Variants in FAM117A observed in about 807,000 individuals in gnomAD.
FAM117A encodes the protein family with sequence similarity 117 member A, also known as protein FAM117A.
In FAM117A, 21 loss-of-function variants were observed where a neutral mutation model predicts 44.1. The observed-to-expected ratio is 0.48, with a 90% CI of 0.34 to 0.69. The LOEUF (loss-of-function observed/expected upper bound fraction) is 0.69. FAM117A is among the 30% of genes least tolerant of loss of function. The pLI, the probability that FAM117A is intolerant of heterozygous loss-of-function variation, is 0.01. For synonymous variants in FAM117A, 220 were observed against 238.3 expected (o/e 0.92, Z 0.71); for missense variants, 498 against 589.9 (o/e 0.84, Z 1.61).
At chr17:49,715,961 G>T (rs930931108) in intron 7 of FAM117A, among the ~76,000 whole-genome samples, 1 of 152,224 alleles carries the variant, frequency 6.6e-6, no homozygotes, top group Non-Finnish European at 1.5e-5. Context: ...TGGGCAGAGA[G>T]CAGGTTTCTA....
At chr17:49,743,467 C>T (rs548816343) in intron 1 of FAM117A, among the ~76,000 whole-genome samples, 11 of 152,328 alleles carry the variant, frequency 7.2e-5, no homozygotes, top group South Asian at 6.2e-4. Flanking sequence ...CAGTGGCTCA[C>T]GCCTGTAATC....
chr17:49,720,568 A>ATTG (rs2073529367), intron 3 of FAM117A, 132 bp from the exon 4 acceptor site: 1 of 664,914 alleles, frequency 1.5e-6, no homozygotes, highest in African/African-American at 1.8e-5. Flanking sequence ...TTAATCTTCC[A>ATTG]TCTCAAAATA....
intron 2 of FAM117A, among the ~76,000 whole-genome samples, chr17:49,730,268 A>G (rs1488862398): frequency 5.3e-5 from 8 of 152,206 alleles, no homozygotes; most frequent in Non-Finnish European, 1.0e-4. Context: ...GGAAAGCTGC[A>G]TGGCTTGGCC....
chr17:49,754,717 A>C (rs1393260196), intron 1 of FAM117A, among the ~76,000 whole-genome samples: 2 of 152,090 alleles, frequency 1.3e-5, no homozygotes, highest in Non-Finnish European at 2.9e-5. Flanking sequence ...CACTCTGTTC[A>C]AACTTACACC....
intron 7 of FAM117A, among the ~76,000 whole-genome samples, chr17:49,715,611 G>T (rs1364251077): frequency 6.6e-6 from 1 of 152,166 alleles, no homozygotes; most frequent in African/African-American, 2.4e-5. Context: ...ATTTTCCATA[G>T]TCCTTACTTG....
chr17:49,723,423 A>G (rs1480367432), intron 2 of FAM117A, among the ~76,000 whole-genome samples: 2 of 152,206 alleles, frequency 1.3e-5, no homozygotes, highest in Non-Finnish European at 2.9e-5. Flanking sequence ...CCCCGACCCA[A>G]GGGAGGAAGC....
At chr17:49,764,347 C>T (rs1160131256), upstream of FAM117A, among the ~76,000 whole-genome samples, 2 of 152,144 alleles carry the variant, frequency 1.3e-5, no homozygotes, top group Admixed American at 6.5e-5. Flanking sequence ...TTCCAACATC[C>T]CAGGGGCTGC....
Position 49,752,866 on chromosome 17 carries a change from C to CT in FAM117A, c.196+11025dup, listed in dbSNP as rs755862898. On this transcript the variant is annotated intron_variant, in intron 1 of 7. Coordinates refer to ENST00000240364, the MANE Select transcript of FAM117A (RefSeq NM_030802.4). ...CTTCTTTGCAGCCCAGTTTCCAATT[C>CT]TTTTTTTTTTTTTTTGAGACAGAGT... is the stretch of plus-strand genomic sequence containing the variant. Among the ~76,000 whole-genome samples the CT allele has an allele frequency of 4.6e-3, 655 of 141,972 alleles. 2 individuals are homozygous for CT. The highest frequency in any genetic ancestry group is 0.011 in the Middle Eastern group (3 of 274). 93.1% of individuals were successfully genotyped at this position (141,972 alleles called of 152,430 possible).
chr17:49,731,614 C>A (rs2073585285), intron 2 of FAM117A, among the ~76,000 whole-genome samples: 1 of 152,146 alleles, frequency 6.6e-6, no homozygotes, highest in African/African-American at 2.4e-5. Flanking sequence ...ACTGAAATCC[C>A]AGTCGGGGCT....
At chr17:49,764,171 G>C (rs77344569), upstream of FAM117A, 1 of 705,268 alleles carries the variant, frequency 1.4e-6, no homozygotes, top group African/African-American at 1.8e-5. Flanking sequence ...TCTGCTGTAC[G>C]GGGCGGGGAC....
At chr17:49,784,786 GT>G (rs1598040804) in intron 1 of FAM117A, among the ~76,000 whole-genome samples, 2 of 152,176 alleles carry the variant, frequency 1.3e-5, no homozygotes, top group Non-Finnish European at 2.9e-5. Flanking sequence ...ACTCTACAGT[GT>G]TTTGTAAGTG....
chr17:49,753,706 C>T (rs2143772458), intron 1 of FAM117A, among the ~76,000 whole-genome samples: 1 of 152,286 alleles, frequency 6.6e-6, no homozygotes, highest in East Asian at 1.9e-4. Context: ...ATCACTTGAA[C>T]CTGGGAGGTG....
intron 1 of FAM117A, among the ~76,000 whole-genome samples, chr17:49,733,406 T>C (rs1462636350): frequency 3.3e-5 from 5 of 152,094 alleles, no homozygotes; most frequent in Non-Finnish European, 7.4e-5. Flanking sequence ...GGCCGGGTGG[T>C]GGTGGCTCAT....
At chr17:49,718,032 T>A (rs1219018004) in intron 5 of FAM117A, 3 of 197,696 alleles carry the variant, frequency 1.5e-5, no homozygotes, top group Non-Finnish European at 3.1e-5. Flanking sequence ...AGGGACCTTC[T>A]GTGCCCTGGG....
At chr17:49,780,582 C>G (rs559254486) in intron 1 of FAM117A, among the ~76,000 whole-genome samples, 3 of 152,180 alleles carry the variant, frequency 2.0e-5, no homozygotes, top group South Asian at 2.1e-4. Flanking sequence ...GTTGGGCAGG[C>G]TGGTCTTGAA....
chr17:49,768,614 T>A (rs2073751966), upstream of FAM117A, among the ~76,000 whole-genome samples: 1 of 152,124 alleles, frequency 6.6e-6, no homozygotes, highest in Non-Finnish European at 1.5e-5. Context: ...GACTGGCTCC[T>A]CAGGGAACAA....
At chr17:49,771,418 A>C (rs1461375274) in intron 1 of FAM117A, among the ~76,000 whole-genome samples, 1 of 152,150 alleles carries the variant, frequency 6.6e-6, no homozygotes, top group African/African-American at 2.4e-5. Context: ...ATATCCCTAA[A>C]GAGTTACTGT....
At chr17:49,712,563 C>T (rs910992965) in intron 7 of FAM117A, among the ~76,000 whole-genome samples, 3 of 152,084 alleles carry the variant, frequency 2.0e-5, no homozygotes, top group Admixed American at 2.0e-4. Context: ...GGCTGGAGTG[C>T]GGTGTGGCAG....
intron 1 of FAM117A, among the ~76,000 whole-genome samples, chr17:49,777,269 A>AG (rs1352600449): frequency 2.0e-5 from 3 of 151,610 alleles, no homozygotes; most frequent in Non-Finnish European, 4.4e-5. Context: ...GGCTGCTGGA[A>AG]GGGGAGGGGT....
Sources: allele counts gnomAD v4.1 joint callset (sites outside exome capture counted in the v4.1 genomes callset), GRCh38; gene constraint gnomAD v4.1.1; transcripts MANE v1.5; gene names NCBI Gene and HGNC (gene_info 2026-07-23, HGNC 2026-07-21).